USP24: variants seen among roughly 807,000 people sequenced by gnomAD.
USP24 encodes the protein ubiquitin specific peptidase 24.
A neutral mutation model predicts 361.6 loss-of-function variants in USP24; 97 were observed. That is an observed-to-expected ratio of 0.27 (90% CI 0.23 to 0.32). The LOEUF (loss-of-function observed/expected upper bound fraction) is 0.32, where lower values mean the gene tolerates loss of function less well. Ranked by LOEUF, USP24 falls within the 10% of genes least tolerant of loss-of-function variation. The pLI is 1.00. For missense variants in USP24, 2,353 were observed against 3,165.6 expected, an observed-to-expected ratio of 0.74 and a Z score of 6.16; for synonymous variants, 1,098 against 1,124.6, an observed-to-expected ratio of 0.98 and a Z score of 0.47.
intron 62 of USP24, 43 bp downstream of exon 62, chr1:55,077,192 A>G: frequency 7.0e-7 from 1 of 1,425,250 alleles, no homozygotes; most frequent in Admixed American, 2.4e-5. Flanking sequence ...TTGTTGACTA[A>G]TACATTCCTA....
At position 55,177,971 on chromosome 1, in the gene USP24, T is replaced by A; in HGVS notation, c.486A>T (p.Arg162Ser). The A allele has an allele frequency of 6.4e-7, 1 of 1,551,032 alleles. No homozygotes were observed. The highest frequency in any genetic ancestry group is 8.7e-7 in the Non-Finnish European group (1 of 1,146,766). Reference sequence around the variant, plus strand: ...TTCTAAGGTCTGAAAACTTACCAAGTCTTGCTAGGTAGGTAGATGCCAACA... The same window carrying A: ...TTCTAAGGTCTGAAAACTTACCAAGACTTGCTAGGTAGGTAGATGCCAACA... The part of the protein sequence containing the change: ...KCLLASTYLA[R>S]LGLSESDENC... The change falls in exon 2 of 68, where the codon AGA becomes AGT. Residue 162 changes from arginine (R) to serine (S), a missense_variant. Physicochemically the swap from Arg to Ser is moderately radical, Grantham distance 110. Transcript: ENST00000294383.
At chr1:55,208,294 A>G (rs1644761594) in intron 1 of USP24, among the ~76,000 whole-genome samples, 1 of 152,192 alleles carries the variant, frequency 6.6e-6, no homozygotes, top group Non-Finnish European at 1.5e-5. Flanking sequence ...AATGGTTATA[A>G]AATACTTTGC....
At chr1:55,110,044 T>G (rs2100548311) in intron 39 of USP24, 141 bp downstream of exon 39, 2 of 636,316 alleles carry the variant, frequency 3.1e-6, no homozygotes, top group Non-Finnish European at 5.1e-6. Flanking sequence ...TATGCTATTT[T>G]CAAGAAAACA....
In USP24 at chr1:55,172,433, C is replaced by T. The variant is rs1027827764; in HGVS notation, c.646G>A (p.Ala216Thr). 5.6e-6 allele frequency: 9 copies of T among 1,613,302 alleles called. No homozygotes were observed. Among genetic ancestry groups the T allele is most frequent in the African/African-American group, 2.7e-5 (2 of 74,884 alleles). ...NMLMLLIELV[A>T]ERIKQDPIPT... is the part of the protein sequence containing the mutation. Reference sequence around the variant, plus strand: ...ATTGGATCTTGTTTTATTCTCTCTGCGACCAGTTCTATTAATAGCATCAAC... The same window carrying T: ...ATTGGATCTTGTTTTATTCTCTCTGTGACCAGTTCTATTAATAGCATCAAC... Residue 216 changes from alanine to threonine, a missense_variant, in exon 4 of 68, where the codon GCA becomes ACA. Transcript: ENST00000294383.
At chr1:55,091,796 T>C (rs761836712) in intron 54 of USP24, among the ~76,000 whole-genome samples, 2 of 152,232 alleles carry the variant, frequency 1.3e-5, no homozygotes, top group Non-Finnish European at 2.9e-5. Flanking sequence ...AATTCGAAGA[T>C]GTACAGAATT....
Position 55,129,521 on chromosome 1 carries a change from A to G in USP24, c.3591T>C (p.Cys1197=), listed in dbSNP as rs1401883114. 6.2e-7 allele frequency: 1 copy of G among 1,613,798 alleles called. No homozygotes were observed. Among genetic ancestry groups the G allele is most frequent in the African/African-American group, 1.3e-5 (1 of 74,928 alleles). Residue 1197 remains cysteine, a synonymous_variant, in exon 32 of 68, where the codon TGT becomes TGC. Coordinates refer to ENST00000294383, the MANE Select transcript of USP24 (RefSeq NM_015306.3). ...PTADDDMARS[C]AKSFCENFLK... ...GGAAGTTTTCACAGAAGGATTTGGC[A>G]CAGCTTCTGGCCATGTCATCATCAG...
intron 60 of USP24, among the ~76,000 whole-genome samples, chr1:55,079,267 C>T (rs141536543): frequency 3.0e-4 from 46 of 152,250 alleles, no homozygotes; most frequent in South Asian, 2.9e-3. Flanking sequence ...CTACAATTAA[C>T]GAAATGATTT....
intron 38 of USP24, among the ~76,000 whole-genome samples, chr1:55,113,877 T>A (rs992784705): frequency 6.6e-6 from 1 of 152,222 alleles, no homozygotes; most frequent in African/African-American, 2.4e-5. Flanking sequence ...CTCTCATCAC[T>A]CTTATTTAAC....
chr1:55,139,067 C>A, intron 24 of USP24, 57 bp from the exon 25 acceptor site: 2 of 1,453,152 alleles, frequency 1.4e-6, no homozygotes, highest in South Asian at 1.3e-5. Flanking sequence ...GATCTGAGCT[C>A]AGTTCTAGTC....
At chr1:55,165,700 A>G (rs915795341) in intron 7 of USP24, among the ~76,000 whole-genome samples, 185 bp downstream of exon 7, 2 of 152,132 alleles carry the variant, frequency 1.3e-5, no homozygotes, top group Non-Finnish European at 2.9e-5. Context: ...AAAACTCTAC[A>G]TAGCAATTTG....
intron 7 of USP24, among the ~76,000 whole-genome samples, chr1:55,164,093 T>C (rs991043582): frequency 2.0e-5 from 3 of 152,064 alleles, no homozygotes; most frequent in Non-Finnish European, 4.4e-5. Flanking sequence ...GTCTGCATCA[T>C]GGTATACCAT....
chr1:55,128,324 G>A (rs992533135), intron 32 of USP24, among the ~76,000 whole-genome samples: 6 of 152,118 alleles, frequency 3.9e-5, no homozygotes, highest in Non-Finnish European at 7.4e-5. Flanking sequence ...TGCTGCCAGA[G>A]TAATTGTTTC....
intron 1 of USP24, among the ~76,000 whole-genome samples, chr1:55,178,337 C>T (rs1241877086): frequency 2.6e-5 from 4 of 152,092 alleles, no homozygotes; most frequent in Admixed American, 6.6e-5. Flanking sequence ...CATCTCTACT[C>T]GCTCGCTTAG....
At chr1:55,200,867 T>C (rs1020988982) in intron 1 of USP24, among the ~76,000 whole-genome samples, 1 of 152,246 alleles carries the variant, frequency 6.6e-6, no homozygotes, top group Non-Finnish European at 1.5e-5. Context: ...GTTTGTTTCT[T>C]TTAGCATCCA....
intron 1 of USP24, among the ~76,000 whole-genome samples, chr1:55,209,814 C>T (rs1312279066): frequency 1.3e-5 from 2 of 151,996 alleles, no homozygotes; most frequent in South Asian, 2.1e-4. Flanking sequence ...GAAAACTGAA[C>T]TCCAGATTTC....
intron 1 of USP24, among the ~76,000 whole-genome samples, chr1:55,195,786 TA>T (rs1469615210): frequency 6.6e-6 from 1 of 152,102 alleles, no homozygotes; most frequent in East Asian, 1.9e-4. Flanking sequence ...TGCCAGGAGC[TA>T]GGGGGTAGGG....
At chr1:55,196,097 T>A (rs1301040408) in intron 1 of USP24, among the ~76,000 whole-genome samples, 1 of 152,104 alleles carries the variant, frequency 6.6e-6, no homozygotes, top group African/African-American at 2.4e-5. Flanking sequence ...TCAGTTCTCA[T>A]CTTACCGGAC....
chr1:55,094,827 T>C (rs1270635349), intron 51 of USP24, among the ~76,000 whole-genome samples: 1 of 151,812 alleles, frequency 6.6e-6, no homozygotes, highest in Admixed American at 6.6e-5. Flanking sequence ...TGGGAGACCT[T>C]ATCTTTACAA....
chr1:55,070,652 G>T (rs1644903437), intron 67 of USP24, among the ~76,000 whole-genome samples: 1 of 152,196 alleles, frequency 6.6e-6, no homozygotes, highest in African/African-American at 2.4e-5. Flanking sequence ...GTCGAAGTTT[G>T]GCTGCAAAGA....
Sources: allele counts gnomAD v4.1 joint callset (sites outside exome capture counted in the v4.1 genomes callset), GRCh38; gene constraint gnomAD v4.1.1; transcripts MANE v1.5; gene names NCBI Gene and HGNC (gene_info 2026-07-23, HGNC 2026-07-21).